The following SMARCA1 variants were observed in gnomAD, a reference collection of about 807,000 sequenced individuals.
The protein encoded by SMARCA1 is SWI/SNF-related matrix-associated actin-dependent regulator of chromatin subfamily A member 1.
In SMARCA1, 17 loss-of-function variants were observed where a neutral mutation model predicts 93.6. The observed-to-expected ratio is 0.18, with a 90% CI of 0.12 to 0.27. The LOEUF (loss-of-function observed/expected upper bound fraction) is 0.27. Among genes scored for constraint, SMARCA1 ranks in the 10% least tolerant of loss-of-function variants. The pLI is 1.00. For missense variants in SMARCA1, 630 were observed against 819.0 expected (o/e 0.77, Z 2.82); for synonymous variants, 271 against 271.4 (o/e 1.00, Z 0.01).
Position 129,486,823 on chromosome X carries a change from T to TGATGAC in SMARCA1, c.2217+194_2217+195insGTCATC, listed in dbSNP as rs1217436856. On this transcript the variant is annotated intron_variant, in intron 17 of 24. Coordinates refer to ENST00000371121, the MANE Select transcript of SMARCA1 (RefSeq NM_001282874.2). ...CAACAGCAAAAATTGATGATGATGA[T>TGATGAC]GATGATGATGATGACGACGACGACG... 6.5e-5 allele frequency among the ~76,000 whole-genome samples: 7 copies of TGATGAC among 107,956 alleles called. No homozygotes were observed. In the East Asian group the frequency reaches 2.0e-3, roughly 31 times the overall value. The allele number at this position is 107,956 out of a possible 115,157, so 93.7% of individuals were successfully genotyped here.
intron 23 of SMARCA1, among the ~76,000 whole-genome samples, chrX:129,461,464 C>T (rs949129024): frequency 9.0e-6 from 1 of 111,496 alleles, no homozygotes; most frequent in African/African-American, 3.3e-5. Flanking sequence ...TGTGCTAGAT[C>T]TTTTGGACTT....
chrX:129,470,466 G>A (rs1485259471), intron 20 of SMARCA1, among the ~76,000 whole-genome samples: 2 of 111,533 alleles, frequency 1.8e-5, no homozygotes, highest in East Asian at 5.5e-4. Flanking sequence ...AAGATAAAAA[G>A]AATTTTGAAA....
At chrX:129,503,722 G>A (rs1735108594) in intron 9 of SMARCA1, among the ~76,000 whole-genome samples, 1 of 111,695 alleles carries the variant, frequency 9.0e-6, no homozygotes, top group Non-Finnish European at 1.9e-5. Flanking sequence ...TCAGCACTTT[G>A]GGAGGCCAAG....
intron 12 of SMARCA1, among the ~76,000 whole-genome samples, chrX:129,495,471 T>C (rs977198174): frequency 1.8e-5 from 2 of 111,908 alleles, no homozygotes; most frequent in African/African-American, 6.5e-5. Context: ...TCCTCCTGCC[T>C]CGGCCTCCAG....
In SMARCA1 at chrX:129,499,760, A is replaced by G. The variant is rs1934481222; in HGVS notation, c.1249T>C (p.Leu417=). ...LPPKKEIKIY[L]GLSKMQREWY... ...TCTCGTTGCATCTTACTCAGCCCCAAGTAAATCTTTATTTCCTTTTTAGGT... is the reference window on the plus strand; with the variant it reads ...TCTCGTTGCATCTTACTCAGCCCCAGGTAAATCTTTATTTCCTTTTTAGGT... The change falls in exon 10 of 25, where the codon TTG becomes CTG. Residue 417 remains leucine, a synonymous_variant. Coordinates refer to ENST00000371121, the MANE Select transcript of SMARCA1 (RefSeq NM_001282874.2). 8.6e-7 allele frequency: 1 copy of G among 1,161,080 alleles called. No individual in the cohort carries two copies. The highest frequency in any genetic ancestry group is 2.2e-5 in the Admixed American group (1 of 45,408).
chrX:129,519,158 C>T (rs999841824), intron 1 of SMARCA1, among the ~76,000 whole-genome samples: 2 of 111,273 alleles, frequency 1.8e-5, no homozygotes, highest in Non-Finnish European at 3.8e-5. Context: ...TGTAATTTAG[C>T]GAAAACTAAC....
At chrX:129,522,099 T>C (rs1935413081) in intron 1 of SMARCA1, among the ~76,000 whole-genome samples, 1 of 111,752 alleles carries the variant, frequency 8.9e-6, no homozygotes. Flanking sequence ...CCATTAGTTA[T>C]GCAATTTTAT....
At chrX:129,457,554 G>A (rs780314962) in intron 23 of SMARCA1, among the ~76,000 whole-genome samples, 19 of 111,886 alleles carry the variant, frequency 1.7e-4, no homozygotes, top group African/African-American at 5.5e-4. Context: ...TCATAAACTC[G>A]CAAGATGAGA....
intron 2 of SMARCA1, among the ~76,000 whole-genome samples, chrX:129,517,730 G>A (rs1164912844): frequency 9.0e-6 from 1 of 110,859 alleles, no homozygotes; most frequent in Non-Finnish European, 1.9e-5. Context: ...ATTCTTGAAA[G>A]ATCCAAGGTT....
At chrX:129,459,839 T>C (rs986576426) in intron 23 of SMARCA1, among the ~76,000 whole-genome samples, 7 of 111,355 alleles carry the variant, frequency 6.3e-5, no homozygotes, top group African/African-American at 3.3e-5. Context: ...GCTATGCTGG[T>C]CTCTTTAAAT....
intron 23 of SMARCA1, among the ~76,000 whole-genome samples, chrX:129,453,190 T>G (rs949950870): frequency 9.0e-6 from 1 of 111,636 alleles, no homozygotes; most frequent in African/African-American, 3.3e-5. Context: ...CCCTAGGTGT[T>G]CAAATAAAAG....
intron 5 of SMARCA1, among the ~76,000 whole-genome samples, chrX:129,512,774 T>C (rs909082315): frequency 2.7e-5 from 3 of 111,848 alleles, no homozygotes; most frequent in Admixed American, 1.9e-4. Flanking sequence ...ATCAAAACCT[T>C]AAAATGTTTA....
chrX:129,475,277 G>A (rs1933324882), intron 19 of SMARCA1, among the ~76,000 whole-genome samples: 1 of 110,307 alleles, frequency 9.1e-6, no homozygotes, highest in South Asian at 3.9e-4. Context: ...CCAGCACTTT[G>A]GGAGGTCAAG....
chrX:129,473,940 T>A (rs1458322066), intron 19 of SMARCA1, among the ~76,000 whole-genome samples: 1 of 111,835 alleles, frequency 8.9e-6, no homozygotes. Context: ...TATATTTCAC[T>A]CTATGTAAAT....
At chrX:129,448,499 C>T (rs1205239034) in intron 23 of SMARCA1, 56 bp from the exon 24 acceptor site, 11 of 1,001,950 alleles carry the variant, frequency 1.1e-5, no homozygotes, top group South Asian at 2.0e-5. Context: ...ATCTTTAAAA[C>T]GCTGACAACT....
chrX:129,521,455 T>C (rs1458674436), intron 1 of SMARCA1, among the ~76,000 whole-genome samples: 5 of 112,507 alleles, frequency 4.4e-5, no homozygotes, highest in African/African-American at 1.3e-4. Flanking sequence ...CTCATTTCCC[T>C]GTCCTGGGTG....
chrX:129,503,977 A>G (rs766307782), intron 9 of SMARCA1, among the ~76,000 whole-genome samples: 42 of 107,479 alleles, frequency 3.9e-4, no homozygotes, highest in African/African-American at 8.1e-4. Flanking sequence ...AAAAAAAAAA[A>G]AAAAGAAAAG....
chrX:129,448,651 T>G (rs1195965614), intron 23 of SMARCA1, among the ~76,000 whole-genome samples: 1 of 110,471 alleles, frequency 9.1e-6, no homozygotes, highest in Non-Finnish European at 1.9e-5. Context: ...AAACAAACCA[T>G]GATACATCCA....
Position 129,487,135 on chromosome X carries a change from A to G in SMARCA1, c.2100T>C (p.Thr700=). The change falls in exon 17 of 25, where the codon ACT becomes ACC. Residue 700 remains threonine, a splice_region_variant and synonymous_variant. Transcript: ENST00000371121. ...TTILERGEKK[T]AEMNERLQKM... is the part of the protein sequence containing the mutation. ...TTTGCAGGCGTTCATTCATCTCTGC[A>G]GTCTAAAGGTGAAAACATTGAAATG... The G allele has an allele frequency of 8.7e-7, 1 of 1,151,399 alleles. No homozygotes were observed. The highest frequency in any genetic ancestry group is 1.2e-6 in the Non-Finnish European group (1 of 861,498). 94.9% of individuals were successfully genotyped at this position (1,151,399 alleles called of 1,213,427 possible).
Sources: allele counts gnomAD v4.1 joint callset (sites outside exome capture counted in the v4.1 genomes callset), GRCh38; gene constraint gnomAD v4.1.1; transcripts MANE v1.5; gene names NCBI Gene and HGNC (gene_info 2026-07-23, HGNC 2026-07-21).